Variants in PGBD2 observed in about 807,000 individuals in gnomAD.
PGBD2 encodes piggyBac transposable element derived 2.
Under a neutral mutation model 8.1 loss-of-function variants are expected in PGBD2, and 6 were observed. That is an observed-to-expected ratio of 0.74 (90% CI 0.40 to 1.46). The LOEUF is 1.46. PGBD2 is among the 40% of genes most tolerant of loss of function. PGBD2 has a pLI of 0.02. For missense variants in PGBD2, 802 were observed against 739.0 expected, an observed-to-expected ratio of 1.09 and a Z score of -0.99; for synonymous variants, 318 against 272.2, an observed-to-expected ratio of 1.17 and a Z score of -1.66.
At chr1:248,910,344 G>C (rs950052177) in intron 1 of PGBD2, among the ~76,000 whole-genome samples, 1 of 152,216 alleles carries the variant, frequency 6.6e-6, no homozygotes, top group African/African-American at 2.4e-5. Flanking sequence ...GGAATTGCAG[G>C]TGAGGGGTTT....
intron 2 of PGBD2, 147 bp from the exon 3 acceptor site, chr1:248,916,455 T>C: frequency 1.5e-6 from 1 of 659,454 alleles, no homozygotes; most frequent in Non-Finnish European, 2.5e-6. Flanking sequence ...CTGGAAAATT[T>C]ACTTACTAAA....
intron 1 of PGBD2, among the ~76,000 whole-genome samples, chr1:248,912,993 G>A (rs1032367769): frequency 1.2e-4 from 18 of 151,846 alleles, no homozygotes; most frequent in African/African-American, 4.4e-4. Flanking sequence ...GTAGACACGG[G>A]GTTTCTCCAT....
intron 1 of PGBD2, among the ~76,000 whole-genome samples, chr1:248,910,161 G>C (rs1661814797): frequency 1.3e-5 from 2 of 152,200 alleles, no homozygotes; most frequent in South Asian, 4.1e-4. Context: ...AGTTTTATCA[G>C]TCATACTGAT....
chr1:248,882,785 A>C, the PGBD2 span, among the ~76,000 whole-genome samples: 16 of 152,338 alleles, frequency 1.1e-4, 1 homozygote, highest in Non-Finnish European at 1.8e-4. Context: ...AGGGGGAAGC[A>C]CATCATGCAC....
rs369199201 is a variant in PGBD2, at chr1:248,916,737, G to A, written c.153G>A (p.Ala51=). 6.4e-5 allele frequency: 104 copies of A among 1,614,004 alleles called. No homozygotes were observed. Among genetic ancestry groups the A allele is most frequent in the Non-Finnish European group, 8.0e-5 (94 of 1,180,038 alleles). ...EIFIAPPDNA[A]GEFTDEDSGD... is the part of the protein sequence containing the mutation. ...TCATTGCACCTCCCGACAATGCTGC[G>A]GGGGAATTCACTGATGAGGACTCAG... Residue 51 remains alanine, a synonymous_variant, in exon 3 of 3, where the codon GCG becomes GCA. Transcript: ENST00000329291.
rs1290519227 is a variant in PGBD2 at position 248,917,251 on chromosome 1, C to A, written c.667C>A (p.Leu223Ile). The A allele has an allele frequency of 1.2e-6, 2 of 1,614,030 alleles. No individual in the cohort carries two copies. The highest frequency in any genetic ancestry group is 1.7e-6 in the Non-Finnish European group (2 of 1,180,046). Residue 223 changes from leucine to isoleucine, a missense_variant, in exon 3 of 3, where the codon CTA (leucine) becomes ATA (isoleucine). By Grantham distance (5) the Leu-to-Ile change is conservative. Transcript: ENST00000329291. ...ADAIRRDRFE[L>I]IFSYLHFADN... ...TGCAATTAGAAGGGACAGATTTGAA[C>A]TAATCTTCTCATACTTACATTTTGC... is the stretch of plus-strand genomic sequence containing the variant.
chr1:248,886,653 C>T, the PGBD2 span, among the ~76,000 whole-genome samples: 2 of 152,186 alleles, frequency 1.3e-5, no homozygotes, highest in African/African-American at 4.8e-5. Context: ...TGGACTCTTG[C>T]CATTTGCTTC....
chr1:248,905,207 G>C (rs1159499644), upstream of PGBD2, among the ~76,000 whole-genome samples: 1 of 152,150 alleles, frequency 6.6e-6, no homozygotes, highest in Non-Finnish European at 1.5e-5. Context: ...CTGATCCAGG[G>C]GTTTTGGAAC....
the PGBD2 span, among the ~76,000 whole-genome samples, chr1:248,895,648 G>A: frequency 6.6e-6 from 1 of 151,722 alleles, no homozygotes; most frequent in South Asian, 2.1e-4. Flanking sequence ...CTAAGATTTT[G>A]GTACCTGAGC....
the PGBD2 span, among the ~76,000 whole-genome samples, chr1:248,890,326 C>T: frequency 2.6e-5 from 4 of 152,102 alleles, no homozygotes; most frequent in South Asian, 4.1e-4. Flanking sequence ...TGTCTTCTGT[C>T]GAGCCACCCT....
intron 1 of PGBD2, among the ~76,000 whole-genome samples, chr1:248,907,074 C>T (rs550650021): frequency 7.2e-5 from 11 of 152,170 alleles, no homozygotes; most frequent in Non-Finnish European, 1.5e-4. Context: ...GCACCGGTCT[C>T]TGAGTTCCCT....
the PGBD2 span, among the ~76,000 whole-genome samples, chr1:248,883,559 T>C: frequency 6.6e-6 from 1 of 151,152 alleles, no homozygotes. Flanking sequence ...GTCTGTTCAC[T>C]CTGCTGATAG....
At chr1:248,923,354 CT>C (rs1375448354), downstream of PGBD2, among the ~76,000 whole-genome samples, 1 of 152,108 alleles carries the variant, frequency 6.6e-6, no homozygotes, top group Non-Finnish European at 1.5e-5. Context: ...CTCTTTTCTT[CT>C]TTATTAGTCT....
intron 1 of PGBD2, chr1:248,912,741 G>T (rs1193595127): frequency 1.3e-5 from 2 of 151,206 alleles, no homozygotes; most frequent in Non-Finnish European, 2.9e-5. Flanking sequence ...GACAGGCTAT[G>T]CTAATCTTCT....
chr1:248,897,335 A>G, the PGBD2 span, among the ~76,000 whole-genome samples: 2 of 151,336 alleles, frequency 1.3e-5, no homozygotes, highest in African/African-American at 4.9e-5. Flanking sequence ...GATGGAAACC[A>G]GACACAGCAG....
chr1:248,895,824 A>T, the PGBD2 span, among the ~76,000 whole-genome samples: 1 of 151,786 alleles, frequency 6.6e-6, no homozygotes, highest in African/African-American at 2.4e-5. Flanking sequence ...AGCAGCTGGG[A>T]CTACAGGCAC....
At chr1:248,905,173 A>G (rs532358788), upstream of PGBD2, among the ~76,000 whole-genome samples, 1 of 152,316 alleles carries the variant, frequency 6.6e-6, no homozygotes, top group African/African-American at 2.4e-5. Context: ...TCAGAATCTC[A>G]CAAATGAGCA....
Position 248,917,651 on chromosome 1 carries a change from G to T in PGBD2, c.1067G>T (p.Ser356Ile), listed in dbSNP as rs1662156761. 7 of 1,614,116 alleles carry T rather than the reference G, an allele frequency of 4.3e-6. No individual in the cohort carries two copies. Among genetic ancestry groups the T allele is most frequent in the Admixed American group, 1.7e-5 (1 of 60,002 alleles). ...ATATTTTTTGACAAGGTTTTCACAA[G>T]TGTTAAACTGATGTCCATTTTGAGG... ...YHIFFDKVFT[S>I]VKLMSILRKK... The change falls in exon 3 of 3, where the codon AGT becomes ATT. Residue 356 changes from serine (S) to isoleucine (I), a missense_variant. Transcript: ENST00000329291.
chr1:248,902,209 C>T (rs1661546216), upstream of PGBD2, among the ~76,000 whole-genome samples: 1 of 150,182 alleles, frequency 6.7e-6, no homozygotes, highest in Non-Finnish European at 1.5e-5. Flanking sequence ...GCGAAGGTTG[C>T]AGTGAGCTGA....
Sources: allele counts gnomAD v4.1 joint callset (sites outside exome capture counted in the v4.1 genomes callset), GRCh38; gene constraint gnomAD v4.1.1; transcripts MANE v1.5; gene names NCBI Gene and HGNC (gene_info 2026-07-23, HGNC 2026-07-21).